The following ZMIZ1 variants were observed in gnomAD, a reference collection of about 807,000 sequenced individuals.
ZMIZ1 encodes the protein zinc finger MIZ-type containing 1.
ZMIZ1 carries 17 observed loss-of-function variants against 113.9 expected under a neutral mutation model. The ratio of observed to expected loss-of-function variants is 0.15; its 90% CI spans 0.10 to 0.22. ZMIZ1 has a LOEUF of 0.22. Among genes scored for constraint, ZMIZ1 ranks in the 10% least tolerant of loss-of-function variants. The probability of loss-of-function intolerance (pLI) is 1.00; values close to 1 mark genes in which losing one functional copy is unlikely to be tolerated. For missense variants in ZMIZ1, 1,059 were observed against 1,477.8 expected, an observed-to-expected ratio of 0.72 and a Z score of 4.65; for synonymous variants, 607 against 603.1, an observed-to-expected ratio of 1.01 and a Z score of -0.09.
chr10:79,289,894 G>C lies in ZMIZ1; in HGVS notation c.540+5G>C, dbSNP rs769370068. The stretch of plus-strand genomic sequence containing the variant: ...ACCAACACATCCCAGAGCCAGGTAA[G>C]AGCCTATACTGCCCTCAGCCACAGC... On this transcript the variant is annotated splice_donor_5th_base_variant and intron_variant, in intron 9 of 24. Transcript: ENST00000334512. 6.2e-7 allele frequency: 1 copy of C among 1,613,252 alleles called. No homozygotes were observed. The highest frequency in any genetic ancestry group is 1.7e-5 in the Admixed American group (1 of 59,994).
chr10:79,175,630 G>GTGTGTGTGTGTGTGTGTGTGT (rs1429011082), intron 4 of ZMIZ1, among the ~76,000 whole-genome samples: 1 of 96,436 alleles, frequency 1.0e-5, no homozygotes, highest in African/African-American at 3.7e-5. Flanking sequence ...GTGTGTGTGT[G>GTGTGTGTGTGTGTGTGTGTGT]GAGGTTTTTA....
At chr10:79,127,425 G>A (rs947014497) in intron 2 of ZMIZ1, among the ~76,000 whole-genome samples, 4 of 152,166 alleles carry the variant, frequency 2.6e-5, no homozygotes, top group South Asian at 2.1e-4. Context: ...CTCAGGCCCC[G>A]TCAGATGGCC....
At chr10:79,257,449 T>G (rs1850986663) in intron 7 of ZMIZ1, among the ~76,000 whole-genome samples, 1 of 152,248 alleles carries the variant, frequency 6.6e-6, no homozygotes, top group African/African-American at 2.4e-5. Context: ...CCAGAAACTC[T>G]GTTGGCTGCC....
At chr10:79,298,832 G>T (rs915566369) in intron 15 of ZMIZ1, among the ~76,000 whole-genome samples, 3 of 152,246 alleles carry the variant, frequency 2.0e-5, no homozygotes, top group Non-Finnish European at 4.4e-5. Flanking sequence ...AAGGAGGCGG[G>T]TGGAAGAAGA....
intron 6 of ZMIZ1, among the ~76,000 whole-genome samples, chr10:79,210,055 GC>G (rs1014130770): frequency 6.6e-6 from 1 of 151,990 alleles, no homozygotes; most frequent in Non-Finnish European, 1.5e-5. Flanking sequence ...TTCTCCCTCC[GC>G]CCCCCCAGCC....
intron 2 of ZMIZ1, among the ~76,000 whole-genome samples, chr10:79,125,436 G>A (rs57151418): frequency 1.7e-3 from 255 of 152,360 alleles, no homozygotes; most frequent in African/African-American, 5.9e-3. Flanking sequence ...TCCTGGACAT[G>A]CTTCATGGAT....
intron 6 of ZMIZ1, among the ~76,000 whole-genome samples, chr10:79,214,354 T>A (rs763651702): frequency 1.3e-5 from 2 of 152,002 alleles, no homozygotes; most frequent in Non-Finnish European, 2.9e-5. Flanking sequence ...CCTAACAACA[T>A]CCTTTTTCCT....
chr10:79,293,843 C>G (rs1325265922), intron 12 of ZMIZ1, 190 bp downstream of exon 12: 3 of 840,528 alleles, frequency 3.6e-6, no homozygotes, highest in East Asian at 2.7e-5. Flanking sequence ...TGAAAGACCT[C>G]GAGCCAGTCA....
rs1011940164 is a variant in ZMIZ1, at chr10:79,277,450, G to T, written c.425+125G>T. On this transcript the variant is annotated intron_variant, in intron 8 of 24. Transcript: ENST00000334512. Reference sequence around the variant, plus strand: ...ATGAGGATGTTGCATTTTCTAAGGTGCAGTTGTTTTTTTACATCTTCGTGG... The same window carrying T: ...ATGAGGATGTTGCATTTTCTAAGGTTCAGTTGTTTTTTTACATCTTCGTGG... 7.0e-6 allele frequency: 9 copies of T among 1,281,714 alleles called. No individual in the cohort carries two copies. The African/African-American group carries it at 1.1e-4, about 16-fold the overall frequency. 79.4% of individuals were successfully genotyped at this position (1,281,714 alleles called of 1,614,324 possible).
chr10:79,103,660 G>C (rs1368936312), intron 1 of ZMIZ1, among the ~76,000 whole-genome samples: 1 of 152,130 alleles, frequency 6.6e-6, no homozygotes, highest in Non-Finnish European at 1.5e-5. Flanking sequence ...GTGGAGAGGG[G>C]AGCCCTGGGG....
intron 4 of ZMIZ1, among the ~76,000 whole-genome samples, chr10:79,185,800 T>G (rs1847328647): frequency 1.4e-5 from 1 of 71,072 alleles, no homozygotes; most frequent in Admixed American, 1.6e-4. Context: ...AGAGATGGTT[T>G]TAGAAAAGAA....
rs1174980856 is a variant in ZMIZ1, at chr10:79,165,948, CTGTGTGTGTGTGTGTGTGTGTGTGTG to C, written c.-50+3844_-50+3869del. 5.7e-4 allele frequency among the ~76,000 whole-genome samples: 34 copies of C among 59,848 alleles called. 3 individuals are homozygous for C. The East Asian group carries it at 0.011, about 19-fold the overall frequency. 39.3% of individuals were successfully genotyped at this position (59,848 alleles called of 152,430 possible). On this transcript the variant is annotated intron_variant, in intron 4 of 24. Transcript: ENST00000334512. Reference sequence around the variant, plus strand: ...CCTTGGCCTCCAAGCCCCAGCTCAGCTGTGTGTGTGTGTGTGTGTGTGTGTGTGTGTGTGTGTGTGTGTGTGTGTGT... The same window carrying C: ...CCTTGGCCTCCAAGCCCCAGCTCAGCTGTGTGTGTGTGTGTGTGTGTGTGT...
chr10:79,193,253 C>CT, intron 4 of ZMIZ1, among the ~76,000 whole-genome samples: 1 of 152,318 alleles, frequency 6.6e-6, no homozygotes, highest in Admixed American at 6.5e-5. Context: ...CTTAGGTCTG[C>CT]TATTGCTACC....
intron 1 of ZMIZ1, among the ~76,000 whole-genome samples, chr10:79,098,394 T>C (rs10824715): frequency 0.29 from 44,737 of 152,054 alleles, 6,833 homozygotes; most frequent in Non-Finnish European, 0.32. Context: ...CTCCCACACT[T>C]AGCAGCTGGG....
intron 1 of ZMIZ1, among the ~76,000 whole-genome samples, chr10:79,097,032 G>A (rs1322598716): frequency 1.3e-5 from 2 of 152,276 alleles, no homozygotes; most frequent in South Asian, 4.1e-4. Flanking sequence ...CATGTGGCTC[G>A]GGGATGACCG....
intron 4 of ZMIZ1, among the ~76,000 whole-genome samples, chr10:79,171,160 C>G (rs573243693): frequency 8.9e-4 from 136 of 152,358 alleles, no homozygotes; most frequent in Admixed American, 6.3e-3. Context: ...TGCTCCCTCC[C>G]GTTTTCCACT....
intron 3 of ZMIZ1, among the ~76,000 whole-genome samples, chr10:79,159,249 C>T (rs571046238): frequency 6.6e-6 from 1 of 152,358 alleles, no homozygotes; most frequent in South Asian, 2.1e-4. Flanking sequence ...CGGGGCTACA[C>T]CTCGTCTCCT....
At chr10:79,131,999 T>C (rs972593123) in intron 2 of ZMIZ1, among the ~76,000 whole-genome samples, 1 of 152,222 alleles carries the variant, frequency 6.6e-6, no homozygotes, top group Non-Finnish European at 1.5e-5. Flanking sequence ...ACTGCTGTTT[T>C]AAAGGGAGGC....
chr10:79,219,044 G>C (rs550747239), intron 7 of ZMIZ1, among the ~76,000 whole-genome samples: 2 of 152,202 alleles, frequency 1.3e-5, no homozygotes, highest in East Asian at 3.9e-4. Context: ...CACGGGGGGT[G>C]GGGGGACGTG....
Sources: gnomAD v4.1 joint callset for allele counts (sites outside exome capture counted in the v4.1 genomes callset) on GRCh38, gnomAD v4.1.1 for gene constraint, MANE v1.5 for transcripts, NCBI Gene and HGNC (gene_info 2026-07-23, HGNC 2026-07-21) for gene names.